The following POLR2F variants were observed in gnomAD, a reference collection of about 807,000 sequenced individuals.
The protein encoded by POLR2F is DNA-directed RNA polymerases I, II, and III subunit RPABC2.
Under a neutral mutation model 22.7 loss-of-function variants are expected in POLR2F, and 12 were observed. The observed-to-expected ratio is 0.53, with a 90% confidence interval of 0.34 to 0.86. POLR2F has a LOEUF of 0.86. POLR2F is among the 40% of genes least tolerant of loss of function. The pLI is 0.02. For missense variants in POLR2F, 126 were observed against 171.5 expected, an observed-to-expected ratio of 0.73 and a Z score of 1.48; for synonymous variants, 57 against 66.0, an observed-to-expected ratio of 0.86 and a Z score of 0.66.
intron 2 of POLR2F, among the ~76,000 whole-genome samples, chr22:37,959,103 C>G (rs1193351022): frequency 2.6e-5 from 4 of 152,218 alleles, no homozygotes; most frequent in East Asian, 1.9e-4. Context: ...CCTCCATTAC[C>G]AGGTCTGAGG....
At chr22:38,000,516 T>A (rs1276301128) in intron 1 of POLR2F, among the ~76,000 whole-genome samples, 1 of 152,002 alleles carries the variant, frequency 6.6e-6, no homozygotes, top group African/African-American at 2.4e-5. Flanking sequence ...TTTCCAAATA[T>A]GGGGGGTTAT....
In POLR2F at chr22:38,023,788, T is replaced by C. The variant is rs140333544; in HGVS notation, c.121-2081T>C. Among the ~76,000 whole-genome samples, 974 of 151,394 alleles carry C rather than the reference T, an allele frequency of 6.4e-3. 11 individuals are homozygous for C. Among genetic ancestry groups the C allele is most frequent in the African/African-American group, 0.022 (918 of 41,196 alleles). Reference sequence around the variant, plus strand: ...CCCGGGTTCAAGTGATTCCCCTGCCTCAGCCTCCCGAGAAGCTGGGATTAC... The same window carrying C: ...CCCGGGTTCAAGTGATTCCCCTGCCCCAGCCTCCCGAGAAGCTGGGATTAC... On this transcript the variant is annotated intron_variant, in intron 1 of 2. Transcript: ENST00000333418.
chr22:37,982,255 C>T (rs747724172), upstream of POLR2F, among the ~76,000 whole-genome samples: 2 of 152,138 alleles, frequency 1.3e-5, no homozygotes, highest in Non-Finnish European at 2.9e-5. Flanking sequence ...GGCTCTGCTA[C>T]CAACTTCTAT....
intron 1 of POLR2F, among the ~76,000 whole-genome samples, chr22:38,018,199 C>T (rs1244828384): frequency 6.6e-6 from 1 of 152,106 alleles, no homozygotes; most frequent in African/African-American, 2.4e-5. Context: ...TGGGAGAGGG[C>T]GAAGGCTCAG....
intron 2 of POLR2F, 38 bp downstream of exon 2, chr22:37,956,880 A>AG: frequency 6.6e-7 from 1 of 1,506,462 alleles, no homozygotes; most frequent in Non-Finnish European, 9.2e-7. Context: ...TCTGCAGCCC[A>AG]AGCTGCCAAA....
At chr22:38,011,480 A>C (rs2084871433) in intron 1 of POLR2F, among the ~76,000 whole-genome samples, 1 of 147,494 alleles carries the variant, frequency 6.8e-6, no homozygotes. Flanking sequence ...TTTTTTTTAC[A>C]CTTGCTTATT....
intron 1 of POLR2F, 26 bp from the exon 2 acceptor site, chr22:37,956,747 G>A (rs1931417368): frequency 1.3e-6 from 2 of 1,592,740 alleles, no homozygotes; most frequent in Non-Finnish European, 1.7e-6. Flanking sequence ...GATGCTCTAA[G>A]TAACTGATCT....
At chr22:38,034,453 C>A (rs965672102) in intron 5 of POLR2F, among the ~76,000 whole-genome samples, 2 of 152,152 alleles carry the variant, frequency 1.3e-5, no homozygotes, top group Non-Finnish European at 2.9e-5. Flanking sequence ...CTCCAAGAAG[C>A]GGGGGAGGGG....
At chr22:37,994,110 C>T (rs1445735425) in intron 1 of POLR2F, among the ~76,000 whole-genome samples, 4 of 152,184 alleles carry the variant, frequency 2.6e-5, no homozygotes, top group African/African-American at 9.7e-5. Flanking sequence ...GGTGTGATGG[C>T]TTTTGTCTTG....
rs779064305 is a variant in POLR2F, at chr22:37,956,827, G to A, written c.75G>A (p.Leu25=). 11 of 1,613,888 alleles carry A rather than the reference G, an allele frequency of 6.8e-6. No homozygotes were observed. Among genetic ancestry groups the A allele is most frequent in the East Asian group, 2.2e-5 (1 of 44,882 alleles). Residue 25 remains leucine, a synonymous_variant, in exon 2 of 5, where the codon TTG becomes TTA. Coordinates refer to ENST00000442738, the MANE Select transcript of POLR2F (RefSeq NM_021974.5). ...AGGAGGATGAAGGGCTAGATGACTT[G>A]GAGAATGCCGAAGAGGTCAGTATTC... ...DVEEDEGLDD[L]ENAEEEGQEN...
intron 5 of POLR2F, among the ~76,000 whole-genome samples, chr22:38,035,529 A>G (rs964322352): frequency 1.3e-5 from 2 of 151,956 alleles, no homozygotes; most frequent in Non-Finnish European, 2.9e-5. Context: ...CCCTCGGTCT[A>G]TCCTGCTCGT....
At chr22:37,973,235 C>G (rs1311644940), downstream of POLR2F, 3 of 456,816 alleles carry the variant, frequency 6.6e-6, no homozygotes, top group Admixed American at 3.7e-5. Flanking sequence ...AGGTGCAGCC[C>G]CTCATCTTTC....
rs73886222 is a variant in POLR2F, at chr22:37,996,886, C to T, written c.120+10574C>T. On this transcript the variant is annotated intron_variant, in intron 1 of 2. Transcript: ENST00000333418. ...CATCTGTATGTTTAAATCTCCGCTG[C>T]GATTACGACGCACCTGGTGGAGGCA... 9.8e-3 allele frequency among the ~76,000 whole-genome samples: 1,496 copies of T among 152,270 alleles called. 27 individuals carry two copies. The highest frequency in any genetic ancestry group is 0.035 in the African/African-American group (1,449 of 41,518).
upstream of POLR2F, chr22:37,983,285 C>G (rs1932456672): frequency 1.3e-6 from 2 of 1,516,782 alleles, no homozygotes; most frequent in Admixed American, 3.9e-5. The surrounding 1 kb of genome is among the most constrained non-coding windows in gnomAD (Gnocchi z 9.5). Context: ...TGCAGGAGGC[C>G]GGGCCGCCTC....
upstream of POLR2F, chr22:37,986,146 T>C: frequency 6.6e-7 from 1 of 1,523,396 alleles, no homozygotes; most frequent in South Asian, 1.2e-5. This position sits in a 1 kb window ranked among gnomAD's most constrained non-coding sequence, Gnocchi z 4.7. Flanking sequence ...TAAAAAGCTT[T>C]TTAACAGCGC....
At chr22:37,956,683 C>T in intron 1 of POLR2F, 90 bp from the exon 2 acceptor site, 1 of 1,032,328 alleles carries the variant, frequency 9.7e-7, no homozygotes, top group South Asian at 1.3e-5. Context: ...TCCGAAAGTA[C>T]CAGGATTACA....
intron 1 of POLR2F, among the ~76,000 whole-genome samples, chr22:37,954,529 C>G (rs572808931): frequency 3.2e-4 from 48 of 152,248 alleles, no homozygotes; most frequent in African/African-American, 1.1e-3. Flanking sequence ...CCTCGAACTC[C>G]TGAGCTTGTG....
chr22:38,041,484 C>T (rs903044586), downstream of POLR2F: 16 of 261,888 alleles, frequency 6.1e-5, no homozygotes, highest in East Asian at 1.1e-3. Flanking sequence ...CTCCAGCCCC[C>T]GGACACCTAG....
Position 37,967,684 on chromosome 22 carries a change from G to C in POLR2F, c.353G>C (p.Trp118Ser). Residue 118 changes from tryptophan to serine, a missense_variant, in exon 5 of 5, where the codon TGG becomes TCG. Physicochemically the swap from Trp to Ser is radical, Grantham distance 177. Transcript: ENST00000442738. Reference sequence around the variant, plus strand: ...CTGCCAGATGGGAGCTATGAAGACTGGGGGGTGGACGAGCTCATCATCACC... The same window carrying C: ...CTGCCAGATGGGAGCTATGAAGACTCGGGGGTGGACGAGCTCATCATCACC... ...RYLPDGSYEDWGVDELIITD is the reference protein window; with the variant it reads ...RYLPDGSYEDSGVDELIITD The C allele has an allele frequency of 3.1e-6, 5 of 1,613,346 alleles. No individual in the cohort carries two copies. The highest frequency in any genetic ancestry group is 4.2e-6 in the Non-Finnish European group (5 of 1,179,670).
Sources: allele counts gnomAD v4.1 joint callset (sites outside exome capture counted in the v4.1 genomes callset), GRCh38; gene constraint gnomAD v4.1.1; non-coding constraint Gnocchi (gnomAD v3.1); transcripts MANE v1.5; gene names NCBI Gene and HGNC (gene_info 2026-07-23, HGNC 2026-07-21).